MICAL2: variants seen among roughly 807,000 people sequenced by gnomAD.
MICAL2 encodes [F-actin]-monooxygenase MICAL2.
A neutral mutation model predicts 127.3 loss-of-function variants in MICAL2; 77 were observed. The ratio of observed to expected loss-of-function variants is 0.60; its 90% CI spans 0.50 to 0.73. The LOEUF is 0.73. MICAL2 is among the 30% of genes least tolerant of loss of function. The probability of loss-of-function intolerance (pLI) is 0.00; values close to 1 mark genes in which losing one functional copy is unlikely to be tolerated. For missense variants in MICAL2, 1,351 were observed against 1,434.4 expected, an observed-to-expected ratio of 0.94 and a Z score of 0.94; for synonymous variants, 570 against 551.1, an observed-to-expected ratio of 1.03 and a Z score of -0.48.
chr11:12,299,666 C>T (rs1035092835), intron 29 of MICAL2, among the ~76,000 whole-genome samples: 7 of 152,030 alleles, frequency 4.6e-5, no homozygotes, highest in African/African-American at 1.4e-4. Context: ...TTTGCATAAA[C>T]GTTTTTATTG....
chr11:12,216,093 A>C (rs1402166209), intron 7 of MICAL2, 126 bp from the exon 8 acceptor site: 4 of 696,518 alleles, frequency 5.7e-6, no homozygotes, highest in Admixed American at 2.4e-5. Context: ...GTGTGCCTTA[A>C]AAACTGGTCT....
chr11:12,240,386 A>G (rs1859734964), intron 17 of MICAL2, among the ~76,000 whole-genome samples: 1 of 152,246 alleles, frequency 6.6e-6, no homozygotes, highest in Non-Finnish European at 1.5e-5. Flanking sequence ...GTCACATGAC[A>G]GAATGAGACT....
intron 2 of MICAL2, among the ~76,000 whole-genome samples, chr11:12,284,458 T>C (rs1181431128): frequency 6.6e-6 from 1 of 152,106 alleles, no homozygotes; most frequent in Non-Finnish European, 1.5e-5. Flanking sequence ...GATGAAGTCA[T>C]TACTACCCAC....
At chr11:12,154,778 T>C (rs376059109) in intron 2 of MICAL2, among the ~76,000 whole-genome samples, 3 of 152,344 alleles carry the variant, frequency 2.0e-5, no homozygotes, top group Non-Finnish European at 1.5e-5. Context: ...TTGATACTTG[T>C]AGACTCTCCA....
At chr11:12,154,230 G>C (rs1466967705) in intron 2 of MICAL2, among the ~76,000 whole-genome samples, 2 of 152,154 alleles carry the variant, frequency 1.3e-5, no homozygotes, top group Non-Finnish European at 2.9e-5. Context: ...ACAATGTCAG[G>C]GTTTCATGCA....
downstream of MICAL2, among the ~76,000 whole-genome samples, chr11:12,267,809 T>A (rs868123937): frequency 6.6e-6 from 1 of 152,100 alleles, no homozygotes; most frequent in Admixed American, 6.5e-5. Flanking sequence ...GCCAGGCTGT[T>A]TTCGAACTGC....
At chr11:12,319,134 T>G (rs931383464) in intron 29 of MICAL2, among the ~76,000 whole-genome samples, 2 of 151,926 alleles carry the variant, frequency 1.3e-5, no homozygotes, top group Non-Finnish European at 2.9e-5. Context: ...TGCTTCTGAT[T>G]ACATTTGGGA....
chr11:12,318,476 C>T (rs538230273), intron 29 of MICAL2, among the ~76,000 whole-genome samples: 2 of 152,290 alleles, frequency 1.3e-5, no homozygotes, highest in Admixed American at 1.3e-4. Context: ...TAAATGTGCT[C>T]CTGGAGGCTA....
In MICAL2 at chr11:12,226,727, A is replaced by T. The variant is rs534711260; in HGVS notation, c.1889-298A>T. Among the ~76,000 whole-genome samples the T allele has an allele frequency of 2.9e-5, 4 of 136,762 alleles. No individual in the cohort carries two copies. In the East Asian group the frequency reaches 8.5e-4, roughly 29 times the overall value. 89.7% of individuals were successfully genotyped at this position (136,762 alleles called of 152,430 possible). A position where few individuals can be genotyped will look rare whatever the true frequency, so the allele number is the denominator to read the frequency against. ...GAGTGCAGTGGTGTGATCTCGGCTC[A>T]CTGCAAGCTCTGCCTCCTGGGTTCA... On this transcript the variant is annotated intron_variant, in intron 14 of 27. Coordinates refer to ENST00000683283, the MANE Select transcript of MICAL2 (RefSeq NM_001282663.2).
At chr11:12,200,269 T>A (rs867661150) in intron 3 of MICAL2, among the ~76,000 whole-genome samples, 1 of 152,170 alleles carries the variant, frequency 6.6e-6, no homozygotes, top group Admixed American at 6.5e-5. Context: ...GAGCTTAAAA[T>A]CTCATTGAGT....
intron 3 of MICAL2, among the ~76,000 whole-genome samples, chr11:12,176,841 T>G (rs1425400141): frequency 6.6e-6 from 1 of 152,260 alleles, no homozygotes; most frequent in African/African-American, 2.4e-5. Context: ...AATATTCCAT[T>G]GTATATATAG....
intron 32 of MICAL2, chr11:12,349,833 A>G: frequency 3.1e-6 from 5 of 1,614,024 alleles, no homozygotes; most frequent in Middle Eastern, 3.3e-4. Flanking sequence ...TGATTTCTTA[A>G]GCAGATTCAG....
chr11:12,204,927 A>C (rs1403677608), intron 4 of MICAL2, among the ~76,000 whole-genome samples: 3 of 152,228 alleles, frequency 2.0e-5, no homozygotes, highest in Admixed American at 6.5e-5. Context: ...CCAGATAGTC[A>C]AGACCTTCCA....
chr11:12,294,827 C>CCTCCTCCTG, downstream of MICAL2: 1 of 1,517,632 alleles, frequency 6.6e-7, no homozygotes, highest in Non-Finnish European at 8.8e-7. Context: ...TCCTCCTCCT[C>CCTCCTCCTG]CTCCTCCTCC....
chr11:12,338,585 G>T (rs1281589239), intron 32 of MICAL2, among the ~76,000 whole-genome samples: 2 of 152,166 alleles, frequency 1.3e-5, no homozygotes, highest in African/African-American at 4.8e-5. Context: ...TTTTGCAGTG[G>T]CTGGTACCAG....
chr11:12,341,882 T>C (rs1215263255), intron 32 of MICAL2, among the ~76,000 whole-genome samples: 1 of 152,026 alleles, frequency 6.6e-6, no homozygotes, highest in Non-Finnish European at 1.5e-5. Context: ...CCAATCATCG[T>C]AGGGTAAGTA....
chr11:12,155,929 CTGT>C (rs1342782199), intron 2 of MICAL2, among the ~76,000 whole-genome samples: 2 of 152,212 alleles, frequency 1.3e-5, no homozygotes, highest in African/African-American at 4.8e-5. Flanking sequence ...GCGCCTGGTA[CTGT>C]TGAGTGGCTA....
At chr11:12,200,869 G>A (rs973923769) in intron 3 of MICAL2, among the ~76,000 whole-genome samples, 4 of 152,226 alleles carry the variant, frequency 2.6e-5, no homozygotes, top group African/African-American at 9.6e-5. Context: ...GGTCGGGCCT[G>A]GTGGACAGAA....
intron 1 of MICAL2, among the ~76,000 whole-genome samples, chr11:12,116,214 G>A (rs1161964032): frequency 2.0e-5 from 3 of 151,744 alleles, no homozygotes; most frequent in South Asian, 2.1e-4. Context: ...TCCTGACCTC[G>A]TGATCCACCT....
Sources: gnomAD v4.1 joint callset for allele counts (sites outside exome capture counted in the v4.1 genomes callset) on GRCh38, gnomAD v4.1.1 for gene constraint, MANE v1.5 for transcripts, NCBI Gene and HGNC (gene_info 2026-07-23, HGNC 2026-07-21) for gene names.